The following EPS15L1 variants were observed in gnomAD, a reference collection of about 807,000 sequenced individuals.
EPS15L1 encodes epidermal growth factor receptor pathway substrate 15 like 1.
EPS15L1 carries 43 observed loss-of-function variants against 117.1 expected under a neutral mutation model. That is an observed-to-expected ratio of 0.37 (90% confidence interval 0.29 to 0.47). The LOEUF is 0.47. Among genes scored for constraint, EPS15L1 ranks in the 20% least tolerant of loss-of-function variants. The pLI, the probability that EPS15L1 is intolerant of heterozygous loss-of-function variation, is 0.99. For missense variants in EPS15L1, 981 were observed against 1,164.0 expected, an observed-to-expected ratio of 0.84 and a Z score of 2.29; for synonymous variants, 459 against 470.5, an observed-to-expected ratio of 0.98 and a Z score of 0.32.
intron 7 of EPS15L1, among the ~76,000 whole-genome samples, chr19:16,431,577 C>T (rs536023554): frequency 3.3e-5 from 5 of 152,268 alleles, no homozygotes; most frequent in African/African-American, 1.2e-4. Flanking sequence ...GCTGGGATTA[C>T]ATGCGTGAGC....
intron 22 of EPS15L1, among the ~76,000 whole-genome samples, chr19:16,366,021 C>A (rs566683595): frequency 6.6e-6 from 1 of 152,310 alleles, no homozygotes; most frequent in African/African-American, 2.4e-5. Flanking sequence ...CAGGAAACAG[C>A]AATGTTACTG....
chr19:16,434,947 T>C (rs1167049646), intron 6 of EPS15L1: 2 of 153,234 alleles, frequency 1.3e-5, no homozygotes, highest in African/African-American at 4.8e-5. Context: ...TTTTTTTTTT[T>C]TTTTTCTTTT....
intron 23 of EPS15L1, 87 bp downstream of exon 23, chr19:16,361,692 G>T: frequency 6.7e-7 from 1 of 1,487,876 alleles, no homozygotes; most frequent in Non-Finnish European, 8.9e-7. Context: ...GAAGCTGGGA[G>T]GTTTGCCTTT....
At chr19:16,406,556 C>T (rs1452179408) in intron 13 of EPS15L1, among the ~76,000 whole-genome samples, 2 of 152,178 alleles carry the variant, frequency 1.3e-5, no homozygotes, top group Non-Finnish European at 2.9e-5. Context: ...GCCCCATCAC[C>T]GGGTAACGCT....
intron 7 of EPS15L1, among the ~76,000 whole-genome samples, chr19:16,430,845 A>G (rs1477664682): frequency 6.6e-6 from 1 of 152,250 alleles, no homozygotes; most frequent in Admixed American, 6.5e-5. Context: ...ACGCATGCAC[A>G]GATGTGGATA....
chr19:16,385,149 C>T lies in EPS15L1; in HGVS notation c.2227G>A (p.Asp743Asn), dbSNP rs1355642969. ...TTTACCTTGGACATCTGGCTGAAGT[C>T]GGCAAAGCCTTCAGCACTATTGAAG... Reference protein sequence around the residue: ...GSFNSAEGFADFSQMSKPPPS... With the variant: ...GSFNSAEGFANFSQMSKPPPS... The change falls in exon 21 of 24, where the codon GAC becomes AAC. Residue 743 changes from aspartate (D) to asparagine (N), a missense_variant. By Grantham distance (23) the Asp-to-Asn change is conservative (BLOSUM62 1). Transcript: ENST00000455140. The T allele has an allele frequency of 6.2e-6, 10 of 1,614,086 alleles. No homozygotes were observed. Among genetic ancestry groups the T allele is most frequent in the East Asian group, 4.5e-5 (2 of 44,878 alleles).
intron 10 of EPS15L1, among the ~76,000 whole-genome samples, chr19:16,418,702 T>C (rs2092784510): frequency 6.6e-6 from 1 of 152,162 alleles, no homozygotes; most frequent in African/African-American, 2.4e-5. Flanking sequence ...AGGTGGGGCC[T>C]CTGGGAGGTG....
chr19:16,432,162 G>A (rs1214407027), intron 7 of EPS15L1, among the ~76,000 whole-genome samples: 3 of 152,270 alleles, frequency 2.0e-5, no homozygotes, highest in South Asian at 2.1e-4. Flanking sequence ...GGCCAGGCAC[G>A]GTGGCTCACG....
intron 9 of EPS15L1, 98 bp from the exon 10 acceptor site, chr19:16,421,574 C>T (rs921337723): frequency 2.3e-6 from 3 of 1,279,058 alleles, no homozygotes; most frequent in East Asian, 2.4e-5. Context: ...CTTCCATGCA[C>T]ATTTGGCATC....
At chr19:16,469,289 G>A (rs967779021) in intron 1 of EPS15L1, among the ~76,000 whole-genome samples, 2 of 152,014 alleles carry the variant, frequency 1.3e-5, no homozygotes, top group African/African-American at 4.8e-5. Context: ...AAGAAGGAGA[G>A]ACTGAAAGGA....
chr19:16,355,933 A>AGG (rs2144608649), intron 23 of EPS15L1, 82 bp from the exon 24 acceptor site: 1 of 1,477,630 alleles, frequency 6.8e-7, no homozygotes, highest in East Asian at 2.5e-5. Flanking sequence ...AATGCGTGGG[A>AGG]GGGGTCAGGG....
rs11878217 is a variant in EPS15L1, at chr19:16,400,208, G to A, written c.1791+2113C>T. Among the ~76,000 whole-genome samples, 1,091 of 151,970 alleles carry A rather than the reference G, an allele frequency of 7.2e-3. 15 individuals are homozygous for A. The highest frequency in any genetic ancestry group is 0.025 in the African/African-American group (1,031 of 41,462). On this transcript the variant is annotated intron_variant, in intron 16 of 23. Coordinates refer to ENST00000455140, the MANE Select transcript of EPS15L1 (RefSeq NM_001258374.3). ...AAAAATTAGCTGGGCATGGTGGCAC[G>A]TGCCTGTAATCTCTGCTACTCGGGA...
chr19:16,470,493 C>T (rs1231016090), intron 1 of EPS15L1, among the ~76,000 whole-genome samples: 2 of 149,566 alleles, frequency 1.3e-5, no homozygotes, highest in African/African-American at 5.0e-5. Flanking sequence ...TCCCCCGACT[C>T]CCGCCTTCCC....
chr19:16,429,393 C>T (rs932955565), intron 7 of EPS15L1, among the ~76,000 whole-genome samples: 17 of 152,172 alleles, frequency 1.1e-4, no homozygotes, highest in African/African-American at 1.7e-4. Flanking sequence ...GCCAGGCCAA[C>T]GCTGGGCAGG....
rs745974788 is a variant in EPS15L1 at position 16,409,922 on chromosome 19, A to C, written c.1266+3851T>G. On this transcript the variant is annotated intron_variant, in intron 13 of 23. Coordinates refer to ENST00000455140, the MANE Select transcript of EPS15L1 (RefSeq NM_001258374.3). ...CACTGCACTCCAGCCTGGGCCACAG[A>C]GTGAGACTCTGTCTCAAAAAAAAAA... is the stretch of plus-strand genomic sequence containing the variant. Among the ~76,000 whole-genome samples, 7 of 133,130 alleles carry C rather than the reference A, an allele frequency of 5.3e-5. No individual in the cohort carries two copies. The Admixed American group carries it at 5.8e-4, about 11-fold the overall frequency. 87.3% of individuals were successfully genotyped at this position (133,130 alleles called of 152,430 possible).
chr19:16,420,952 C>T (rs993315655), intron 10 of EPS15L1, among the ~76,000 whole-genome samples: 1 of 152,236 alleles, frequency 6.6e-6, no homozygotes, highest in African/African-American at 2.4e-5. Flanking sequence ...CTAGAGGCTC[C>T]AAGGCCCTGC....
chr19:16,425,254 G>A lies in EPS15L1; in HGVS notation c.621C>T (p.Ser207=). Residue 207 remains serine (S), a synonymous_variant, in exon 9 of 24, where the codon TCC becomes TCT. Coordinates refer to ENST00000455140, the MANE Select transcript of EPS15L1 (RefSeq NM_001258374.3). ...KEPVPSALPP[S]LIPPSKRKKT... is the part of the protein sequence containing the mutation. ...TCTTTCTCTTGGAGGGTGGGATGAG[G>A]GACGGGGGCAGGGCGGAGGGCACGG... 1 of 1,593,044 alleles carries A rather than the reference G, an allele frequency of 6.3e-7. No individual in the cohort carries two copies. Among genetic ancestry groups the A allele is most frequent in the South Asian group, 1.1e-5 (1 of 90,598 alleles).
chr19:16,424,904 G>C (rs994193725), intron 9 of EPS15L1, among the ~76,000 whole-genome samples, 179 bp downstream of exon 9: 3 of 151,994 alleles, frequency 2.0e-5, no homozygotes, highest in Non-Finnish European at 1.5e-5. Context: ...CTTGAGATCT[G>C]CCCACCTCGG....
At chr19:16,372,124 T>A (rs981534498) in intron 22 of EPS15L1, among the ~76,000 whole-genome samples, 19 of 152,032 alleles carry the variant, frequency 1.2e-4, no homozygotes, top group African/African-American at 4.6e-4. Flanking sequence ...GTCCCCAGAG[T>A]GCACTTTCTG....
Sources: allele counts gnomAD v4.1 joint callset (sites outside exome capture counted in the v4.1 genomes callset), GRCh38; gene constraint gnomAD v4.1.1; transcripts MANE v1.5; gene names NCBI Gene and HGNC (gene_info 2026-07-23, HGNC 2026-07-21).